TOP2B: variants seen among roughly 807,000 people sequenced by gnomAD.
TOP2B encodes DNA topoisomerase 2-beta.
In TOP2B, 51 loss-of-function variants were observed where a neutral mutation model predicts 193.5. That is an observed-to-expected ratio of 0.26 (90% CI 0.21 to 0.33). The LOEUF (loss-of-function observed/expected upper bound fraction) is 0.33. Among genes scored for constraint, TOP2B ranks in the 10% least tolerant of loss-of-function variants. The pLI, the probability that TOP2B is intolerant of heterozygous loss-of-function variation, is 1.00. For synonymous variants in TOP2B, 634 were observed against 635.7 expected (o/e 1.00, Z 0.04); for missense variants, 1,378 against 1,909.3 (o/e 0.72, Z 5.19).
chr3:25,664,403 C>G lies in TOP2B; in HGVS notation c.-106G>C. 2 of 1,301,862 alleles carry G rather than the reference C, an allele frequency of 1.5e-6. No homozygotes were observed. The highest frequency in any genetic ancestry group is 2.3e-5 in the South Asian group (1 of 43,142). The allele number at this position is 1,301,862 out of a possible 1,614,324, so 80.6% of individuals were successfully genotyped here. A position where few individuals can be genotyped will look rare whatever the true frequency, so the allele number is the denominator to read the frequency against. ...CGCACCCACCGCTCCACTCGCCGCACTCCTAGCCGCGCCGACCCCCGCGCC... is the reference window on the plus strand; with the variant it reads ...CGCACCCACCGCTCCACTCGCCGCAGTCCTAGCCGCGCCGACCCCCGCGCC... On this transcript the variant is annotated 5_prime_UTR_variant, in exon 1 of 36. Coordinates refer to ENST00000264331, the MANE Select transcript of TOP2B (RefSeq NM_001330700.2).
chr3:25,619,245 G>C (rs546425410), intron 23 of TOP2B, among the ~76,000 whole-genome samples: 1 of 151,546 alleles, frequency 6.6e-6, no homozygotes, highest in African/African-American at 2.4e-5. Context: ...CTGTGTATAC[G>C]CATTTGTCCC....
At chr3:25,612,804 AGT>A in intron 27 of TOP2B, 95 bp from the exon 28 acceptor site, 1 of 896,408 alleles carries the variant, frequency 1.1e-6, no homozygotes, top group South Asian at 1.8e-5. Context: ...TTATTCACTC[AGT>A]AAAGAATAAA....
chr3:25,598,573 T>C, intron 35 of TOP2B, 96 bp from the exon 36 acceptor site: 2 of 897,682 alleles, frequency 2.2e-6, no homozygotes, highest in South Asian at 2.8e-5. Context: ...GTTTAGGAAG[T>C]ATTACAAATA....
chr3:25,634,080 T>C, intron 7 of TOP2B, 66 bp from the exon 8 acceptor site: 1 of 1,199,762 alleles, frequency 8.3e-7, no homozygotes, highest in East Asian at 2.5e-5. Context: ...GTGAATCACC[T>C]TCAGTACGTA....
At position 25,599,515 on chromosome 3, in the gene TOP2B, C is replaced by G. The variant is rs773390957; in HGVS notation, c.4630G>C (p.Ala1544Pro). The change falls in exon 35 of 36, where the codon GCA becomes CCA. Residue 1544 changes from alanine to proline, a missense_variant. Transcript: ENST00000264331. ...TTTPKGKGRG[A>P]KKRKASGSEN... ...GAGCCAGATGCTTTCCTTTTCTTTG[C>G]CCCTCGGCCTTTACCTTAAAATGAT... is the stretch of plus-strand genomic sequence containing the variant. The G allele has an allele frequency of 3.7e-6, 6 of 1,612,984 alleles. No individual in the cohort carries two copies. In the South Asian group the frequency reaches 6.6e-5, roughly 18 times the overall value.
At chr3:25,610,371 A>G (rs536546785) in intron 28 of TOP2B, among the ~76,000 whole-genome samples, 2 of 152,296 alleles carry the variant, frequency 1.3e-5, no homozygotes, top group East Asian at 3.9e-4. Flanking sequence ...TGGTACAGCC[A>G]TGGCCCAAGG....
At chr3:25,598,592 T>C in intron 35 of TOP2B, 115 bp from the exon 36 acceptor site, 1 of 781,822 alleles carries the variant, frequency 1.3e-6, no homozygotes, top group Non-Finnish European at 1.8e-6. Flanking sequence ...TAATGGTGCT[T>C]TTAAAATTAG....
rs971570936 is a variant in TOP2B at position 25,605,954 on chromosome 3, A to G, written c.4378+89T>C. On this transcript the variant is annotated intron_variant, in intron 32 of 35. Transcript: ENST00000264331. The stretch of plus-strand genomic sequence containing the variant: ...TCTACTCATTAAAAATTCTGAAGTT[A>G]AATCATGACCTAACGATTTATTTAC... 11 of 703,570 alleles carry G rather than the reference A, an allele frequency of 1.6e-5. No individual in the cohort carries two copies. The African/African-American group carries it at 1.7e-4, about 11-fold the overall frequency. 43.6% of individuals were successfully genotyped at this position (703,570 alleles called of 1,614,324 possible).
intron 1 of TOP2B, among the ~76,000 whole-genome samples, chr3:25,663,883 C>A (rs1216225514): frequency 6.6e-6 from 1 of 152,106 alleles, no homozygotes; most frequent in East Asian, 1.9e-4. Context: ...GACACACTTG[C>A]ATTATCGCCA....
chr3:25,645,256 T>C lies in TOP2B; in HGVS notation c.240+44A>G, dbSNP rs138978210. 2.8e-4 allele frequency: 410 copies of C among 1,444,272 alleles called. 1 individual carries two copies. In the East Asian group the frequency reaches 8.3e-3, roughly 29 times the overall value. The allele number at this position is 1,444,272 out of a possible 1,614,324, so 89.5% of individuals were successfully genotyped here. Reference sequence around the variant, plus strand: ...TTATCAACATATTAAAAAGTAAATATAGATGCACATCTCCTAATTTCAATC... The same window carrying C: ...TTATCAACATATTAAAAAGTAAATACAGATGCACATCTCCTAATTTCAATC... On this transcript the variant is annotated intron_variant, in intron 2 of 35. Transcript: ENST00000264331.
chr3:25,641,029 G>A (rs1019970147), intron 4 of TOP2B, among the ~76,000 whole-genome samples: 14 of 152,092 alleles, frequency 9.2e-5, no homozygotes, highest in African/African-American at 3.4e-4. Flanking sequence ...GGATCTGCCT[G>A]ACTCAGCCTC....
intron 18 of TOP2B, among the ~76,000 whole-genome samples, chr3:25,625,363 A>C (rs1274240250): frequency 6.6e-6 from 1 of 152,192 alleles, no homozygotes; most frequent in Non-Finnish European, 1.5e-5. Flanking sequence ...AATAGAAATA[A>C]TTACTTTCTT....
intron 3 of TOP2B, 82 bp downstream of exon 3, chr3:25,643,612 T>C: frequency 1.0e-6 from 1 of 996,018 alleles, no homozygotes; most frequent in Non-Finnish European, 1.5e-6. Flanking sequence ...AAATTTATAC[T>C]GGTTAAGTCT....
At position 25,664,352 on chromosome 3, in the gene TOP2B, C is replaced by T; in HGVS notation, c.-55G>A. ...GGCCGCAGCCGCCGCTCCCGCCTCC[C>T]TGCGGGCCGCTGGGCCCCGCCGCTC... On this transcript the variant is annotated 5_prime_UTR_variant, in exon 1 of 36. Transcript: ENST00000264331. 1.4e-6 allele frequency: 2 copies of T among 1,401,714 alleles called. No individual in the cohort carries two copies. The highest frequency in any genetic ancestry group is 1.8e-6 in the Non-Finnish European group (2 of 1,089,022). The allele number at this position is 1,401,714 out of a possible 1,614,324, so 86.8% of individuals were successfully genotyped here. A position where few individuals can be genotyped will look rare whatever the true frequency, so the allele number is the denominator to read the frequency against.
chr3:25,654,425 GA>G (rs942193401), intron 1 of TOP2B, among the ~76,000 whole-genome samples: 4 of 151,832 alleles, frequency 2.6e-5, no homozygotes, highest in African/African-American at 9.7e-5. Flanking sequence ...TAAAAGAAAT[GA>G]AAAAAAGATA....
intron 34 of TOP2B, 132 bp downstream of exon 34, chr3:25,600,968 C>T: frequency 1.2e-6 from 1 of 859,584 alleles, no homozygotes; most frequent in Non-Finnish European, 1.8e-6. Flanking sequence ...TTCCTAGACA[C>T]ACTGCTTACT....
Position 25,606,070 on chromosome 3 carries a change from G to T in TOP2B, c.4351C>A (p.Pro1451Thr). Residue 1451 changes from proline (P) to threonine (T), a missense_variant, in exon 32 of 36, where the codon CCT becomes ACT. Physicochemically the swap from Pro to Thr is conservative, Grantham distance 38 (BLOSUM62 -1). Around this residue, in one of 9 missense-constraint regions of TOP2B, gnomAD observed 556 missense variants for 584.2 expected, o/e 0.95. Transcript: ENST00000264331. ...TCTTCTGACTTCTGAGAATATGAAG[G>T]AAATGAGAAGAGATTTCCAAAATCC... ...SQDFGNLFSFPSYSQKSEDDS... is the reference protein window; with the variant it reads ...SQDFGNLFSFTSYSQKSEDDS... 1.3e-6 allele frequency: 2 copies of T among 1,502,778 alleles called. No individual in the cohort carries two copies. Among genetic ancestry groups the T allele is most frequent in the South Asian group, 1.3e-5 (1 of 75,866 alleles). The allele number at this position is 1,502,778 out of a possible 1,614,324, so 93.1% of individuals were successfully genotyped here. A position where few individuals can be genotyped will look rare whatever the true frequency, so the allele number is the denominator to read the frequency against.
chr3:25,633,844 T>G lies in TOP2B; in HGVS notation c.1023A>C (p.Thr341=), dbSNP rs759056936. ...AACAAATAATTTGCTTACTTACTTT[T>G]GTAGTTGCAATACTATTTACAAAGC... ...QISFVNSIAT[T]KGGRHVDYVV... is the part of the protein sequence containing the mutation. Residue 341 remains threonine (T), a synonymous_variant, in exon 8 of 36, where the codon ACA becomes ACC. Coordinates refer to ENST00000264331, the MANE Select transcript of TOP2B (RefSeq NM_001330700.2). The G allele has an allele frequency of 1.1e-5, 18 of 1,604,974 alleles. No homozygotes were observed. Among genetic ancestry groups the G allele is most frequent in the Non-Finnish European group, 1.5e-5 (18 of 1,176,244 alleles).
chr3:25,659,752 G>A (rs569620273), intron 1 of TOP2B, among the ~76,000 whole-genome samples: 14 of 152,174 alleles, frequency 9.2e-5, no homozygotes, highest in Non-Finnish European at 1.5e-4. Context: ...AAAAAGACAG[G>A]TATATCCCAG....
Sources: allele counts gnomAD v4.1 joint callset (sites outside exome capture counted in the v4.1 genomes callset), GRCh38; gene constraint gnomAD v4.1.1; regional missense constraint gnomAD v4.1.1; transcripts MANE v1.5; gene names NCBI Gene and HGNC (gene_info 2026-07-23, HGNC 2026-07-21).